Variants in SNX18 observed in about 807,000 individuals in gnomAD.
SNX18 encodes the protein sorting nexin 18.
In SNX18, 35 loss-of-function variants were observed where a neutral mutation model predicts 48.7. That is an observed-to-expected ratio of 0.72 (90% CI 0.55 to 0.95). SNX18 has a LOEUF of 0.95. Ranked by LOEUF, SNX18 falls within the 40% of genes least tolerant of loss-of-function variation. SNX18 has a pLI of 0.00. For missense variants in SNX18, 824 were observed against 871.0 expected, an observed-to-expected ratio of 0.95 and a Z score of 0.68; for synonymous variants, 492 against 384.7, an observed-to-expected ratio of 1.28 and a Z score of -3.26.
chr5:54,603,496 T>G, the SNX18 span, among the ~76,000 whole-genome samples: 72 of 152,334 alleles, frequency 4.7e-4, 1 homozygote, highest in East Asian at 0.011. Flanking sequence ...AAGACTCAAA[T>G]CCTGGTTATG....
the SNX18 span, among the ~76,000 whole-genome samples, chr5:54,646,761 A>G: frequency 1.3e-5 from 2 of 152,330 alleles, no homozygotes; most frequent in South Asian, 4.1e-4. Context: ...GTCCAACACT[A>G]GGCTTTCTAC....
the SNX18 span, among the ~76,000 whole-genome samples, chr5:54,620,353 C>A: frequency 9.9e-5 from 15 of 152,214 alleles, no homozygotes; most frequent in Middle Eastern, 3.4e-3. Flanking sequence ...GAGGAGGCTG[C>A]CTTGAGAGAA....
At chr5:54,568,512 G>T in the SNX18 span, among the ~76,000 whole-genome samples, 1 of 152,050 alleles carries the variant, frequency 6.6e-6, no homozygotes, top group Admixed American at 6.5e-5. Context: ...CCCTTCCCCA[G>T]ACTGCTGCAA....
the SNX18 span, chr5:54,643,735 A>C: frequency 6.6e-6 from 1 of 152,126 alleles, no homozygotes; most frequent in Admixed American, 6.5e-5. Flanking sequence ...CCACGTCATG[A>C]CTCAGGAAAT....
the SNX18 span, among the ~76,000 whole-genome samples, chr5:54,636,132 C>T: frequency 2.6e-5 from 4 of 152,146 alleles, no homozygotes; most frequent in Non-Finnish European, 5.9e-5. Context: ...TTGTTCTGGT[C>T]TAAGAGATGC....
chr5:54,604,549 G>C, the SNX18 span, among the ~76,000 whole-genome samples: 1 of 152,138 alleles, frequency 6.6e-6, no homozygotes, highest in African/African-American at 2.4e-5. Flanking sequence ...ACTGATATGA[G>C]GTAATTTGAA....
chr5:54,623,035 T>C, the SNX18 span, among the ~76,000 whole-genome samples: 1 of 152,244 alleles, frequency 6.6e-6, no homozygotes, highest in South Asian at 2.1e-4. Flanking sequence ...TCAATAGTGC[T>C]TATAAATACA....
At chr5:54,537,711 C>T (rs765886573) in intron 1 of SNX18, among the ~76,000 whole-genome samples, 1 of 152,126 alleles carries the variant, frequency 6.6e-6, no homozygotes, top group African/African-American at 2.4e-5. Flanking sequence ...CCTAAATTAG[C>T]CACTTAAAAA....
chr5:54,554,373 C>T, the SNX18 span, among the ~76,000 whole-genome samples: 1 of 152,138 alleles, frequency 6.6e-6, no homozygotes, highest in Admixed American at 6.5e-5. Flanking sequence ...GTTTTAAAAG[C>T]TCCCCAGATG....
chr5:54,535,482 T>C (rs956471008), intron 1 of SNX18, among the ~76,000 whole-genome samples: 4 of 152,226 alleles, frequency 2.6e-5, no homozygotes, highest in African/African-American at 9.6e-5. Context: ...TTAATTTTCC[T>C]TTTAACTCTC....
the SNX18 span, among the ~76,000 whole-genome samples, chr5:54,592,294 G>T: frequency 6.6e-6 from 1 of 152,010 alleles, no homozygotes; most frequent in Admixed American, 6.5e-5. Flanking sequence ...TCTCACCTGA[G>T]CTGCCTCCAC....
At chr5:54,624,066 T>G in the SNX18 span, among the ~76,000 whole-genome samples, 2 of 152,214 alleles carry the variant, frequency 1.3e-5, no homozygotes, top group Non-Finnish European at 2.9e-5. Flanking sequence ...AGTAGCGCAT[T>G]GAGCAGCTAT....
chr5:54,601,652 G>A, the SNX18 span, among the ~76,000 whole-genome samples: 1 of 152,142 alleles, frequency 6.6e-6, no homozygotes, highest in Admixed American at 6.5e-5. Context: ...AGTGGGGGGA[G>A]GAGGGATGGC....
rs1762557508 is a variant in SNX18, at chr5:54,545,313, C to T, written c.*1881C>T. ...GGAAGTCTGGAAATTATAACTATAG[C>T]ATTTAAGTTTGAGTCTGTATTGGAC... On this transcript the variant is annotated 3_prime_UTR_variant, in exon 2 of 2. Transcript: ENST00000381410. 6.6e-6 allele frequency: 1 copy of T among 152,002 alleles called. No homozygotes were observed. Among genetic ancestry groups the T allele is most frequent in the South Asian group, 2.1e-4 (1 of 4,822 alleles). The allele number at this position is 152,002 out of a possible 1,614,324, so 9.4% of individuals were successfully genotyped here. A position where few individuals can be genotyped will look rare whatever the true frequency, so the allele number is the denominator to read the frequency against.
At position 54,543,320 on chromosome 5, in the gene SNX18, G is replaced by T. The variant is rs1247970745; in HGVS notation, c.1763G>T (p.Arg588Leu). ...LAEIHHFHQI[R>L]VRDFKSQMQH... The stretch of plus-strand genomic sequence containing the variant: ...GAAATTCACCACTTCCATCAAATTC[G>T]AGTGAGAGACTTTAAATCACAGATG... The change falls in exon 2 of 2, where the codon CGA becomes CTA. Residue 588 changes from arginine to leucine, a missense_variant. Physicochemically the swap from Arg to Leu is moderately radical, Grantham distance 102 (BLOSUM62 -2). Around this residue, in one of 3 missense-constraint regions of SNX18, gnomAD observed 443 missense variants for 503.6 expected, o/e 0.88. Coordinates refer to ENST00000381410, the MANE Select transcript of SNX18 (RefSeq NM_001102575.2). 3.1e-6 allele frequency: 5 copies of T among 1,614,056 alleles called. No homozygotes were observed. The highest frequency in any genetic ancestry group is 4.2e-6 in the Non-Finnish European group (5 of 1,180,024).
chr5:54,620,382 G>T, the SNX18 span, among the ~76,000 whole-genome samples: 38 of 152,292 alleles, frequency 2.5e-4, no homozygotes, highest in Non-Finnish European at 4.6e-4. Context: ...CTTCAACTGG[G>T]GGATGCAGTC....
chr5:54,522,314 T>C (rs1254415521), intron 1 of SNX18, among the ~76,000 whole-genome samples: 1 of 152,132 alleles, frequency 6.6e-6, no homozygotes, highest in Non-Finnish European at 1.5e-5. Context: ...ACCCCAACTG[T>C]TACACACTTG....
chr5:54,590,727 A>G, the SNX18 span, among the ~76,000 whole-genome samples: 43 of 152,202 alleles, frequency 2.8e-4, no homozygotes, highest in Admixed American at 2.1e-3. Flanking sequence ...GACATGTTTC[A>G]AACCCAAGCC....
At chr5:54,598,895 A>G in the SNX18 span, among the ~76,000 whole-genome samples, 3 of 152,288 alleles carry the variant, frequency 2.0e-5, no homozygotes, top group South Asian at 4.1e-4. Flanking sequence ...CAATCAGGCA[A>G]AAGAAAGAAA....
Sources: gnomAD v4.1 joint callset for allele counts (sites outside exome capture counted in the v4.1 genomes callset) on GRCh38, gnomAD v4.1.1 for gene constraint, gnomAD v4.1.1 regional missense constraint, MANE v1.5 for transcripts, NCBI Gene and HGNC (gene_info 2026-07-23, HGNC 2026-07-21) for gene names.